ANKRD52: variants seen among roughly 807,000 people sequenced by gnomAD.
ANKRD52 encodes serine/threonine-protein phosphatase 6 regulatory ankyrin repeat subunit C.
A neutral mutation model predicts 116.0 loss-of-function variants in ANKRD52; 7 were observed. The observed-to-expected ratio is 0.06, with a 90% CI of 0.03 to 0.11. The LOEUF is 0.11. Among genes scored for constraint, ANKRD52 ranks in the 10% least tolerant of loss-of-function variants. The probability of loss-of-function intolerance (pLI) is 1.00; values close to 1 mark genes in which losing one functional copy is unlikely to be tolerated. For synonymous variants in ANKRD52, 528 were observed against 578.1 expected, an observed-to-expected ratio of 0.91 and a Z score of 1.24; for missense variants, 839 against 1,408.6, an observed-to-expected ratio of 0.60 and a Z score of 6.47.
intron 2 of ANKRD52, among the ~76,000 whole-genome samples, chr12:56,257,577 G>A (rs969097099): frequency 6.6e-6 from 1 of 152,150 alleles, no homozygotes; most frequent in Non-Finnish European, 1.5e-5. Context: ...TTCCAGGAGG[G>A]GTGGGGGCGC....
intron 18 of ANKRD52, 28 bp from the exon 19 acceptor site, chr12:56,247,802 C>T: frequency 1.9e-6 from 3 of 1,601,660 alleles, no homozygotes; most frequent in Non-Finnish European, 1.7e-6. Context: ...CGTGTCAGGG[C>T]AGGGCCAGGA....
rs1011864790 is a variant in ANKRD52, at chr12:56,248,695, G to A, written c.1704+64C>T. ...CACATTTGATTGAACCCTTAGTTTTGGAATCCACAAACCCTGTGCCCTGCC... is the reference window on the plus strand; with the variant it reads ...CACATTTGATTGAACCCTTAGTTTTAGAATCCACAAACCCTGTGCCCTGCC... On this transcript the variant is annotated intron_variant, in intron 16 of 27. Transcript: ENST00000267116. This position sits in a 1 kb window ranked among gnomAD's most constrained non-coding sequence, Gnocchi z 5.1. 6.6e-7 allele frequency: 1 copy of A among 1,508,182 alleles called. No homozygotes were observed. Among genetic ancestry groups the A allele is most frequent in the South Asian group, 1.2e-5 (1 of 84,034 alleles). 93.4% of individuals were successfully genotyped at this position (1,508,182 alleles called of 1,614,324 possible). A position where few individuals can be genotyped will look rare whatever the true frequency, so the allele number is the denominator to read the frequency against.
chr12:56,253,701 CAA>C lies in ANKRD52; in HGVS notation c.985+19_985+20del, dbSNP rs774645039. The C allele has an allele frequency of 2.5e-6, 4 of 1,611,408 alleles. No homozygotes were observed. Among genetic ancestry groups the C allele is most frequent in the South Asian group, 2.2e-5 (2 of 90,884 alleles). On this transcript the variant is annotated intron_variant, in intron 9 of 27. Coordinates refer to ENST00000267116, the MANE Select transcript of ANKRD52 (RefSeq NM_173595.4). The surrounding 1 kb of genome is among the most constrained non-coding windows in gnomAD (Gnocchi z 5.5). The stretch of plus-strand genomic sequence containing the variant: ...CTTGGGGGAGGAGGGGATGAGAGCA[CAA>C]AGTCTCCCAGGTCCATACCATTCTG...
Position 56,252,978 on chromosome 12 carries a change from C to G in ANKRD52, c.1183+26G>C. On this transcript the variant is annotated intron_variant, in intron 11 of 27. Transcript: ENST00000267116. The surrounding 1 kb of genome is among the most constrained non-coding windows in gnomAD (Gnocchi z 4.7). ...AGGCCTTTGCTCTCCTATACACCTG[C>G]CAATCCCCAGCCCATCAGCACATAC... The G allele has an allele frequency of 6.3e-7, 1 of 1,584,072 alleles. No homozygotes were observed. The highest frequency in any genetic ancestry group is 1.1e-5 in the South Asian group (1 of 87,076).
At chr12:56,249,018 C>T (rs1871558977) in intron 15 of ANKRD52, 148 bp from the exon 16 acceptor site, 1 of 574,246 alleles carries the variant, frequency 1.7e-6, no homozygotes. Flanking sequence ...CTAAATCCTA[C>T]CCATTCTTCA....
Position 56,242,852 on chromosome 12 carries a change from T to G in ANKRD52, c.*290A>C. The G allele has an allele frequency of 2.7e-6, 1 of 377,186 alleles. No homozygotes were observed. Among genetic ancestry groups the G allele is most frequent in the East Asian group, 4.3e-5 (1 of 23,402 alleles). The allele number at this position is 377,186 out of a possible 1,614,324, so 23.4% of individuals were successfully genotyped here. A position where few individuals can be genotyped will look rare whatever the true frequency, so the allele number is the denominator to read the frequency against. ...GCAGCAGAAAGAGGGAACCAAGAGATGGAGTCAAAGAGTGGGGGAGCCAGG... is the reference window on the plus strand; with the variant it reads ...GCAGCAGAAAGAGGGAACCAAGAGAGGGAGTCAAAGAGTGGGGGAGCCAGG... On this transcript the variant is annotated 3_prime_UTR_variant, in exon 28 of 28. Transcript: ENST00000267116. The surrounding 1 kb of genome is among the most constrained non-coding windows in gnomAD (Gnocchi z 4.3).
At position 56,243,778 on chromosome 12, in the gene ANKRD52, C is replaced by T. The variant is rs907322229; in HGVS notation, c.2980+7G>A. The T allele has an allele frequency of 2.6e-6, 4 of 1,553,726 alleles. No individual in the cohort carries two copies. The highest frequency in any genetic ancestry group is 2.0e-5 in the Admixed American group (1 of 51,224). On this transcript the variant is annotated splice_region_variant and intron_variant, in intron 27 of 27. Coordinates refer to ENST00000267116, the MANE Select transcript of ANKRD52 (RefSeq NM_173595.4). The surrounding 1 kb of genome is among the most constrained non-coding windows in gnomAD (Gnocchi z 4.6). ...AAGAGAGGCATGGGGCCCCAGACCC[C>T]ACCCACCTTCTTCATCCACAGCCAG... is the stretch of plus-strand genomic sequence containing the variant.
chr12:56,257,137 G>T (rs1045912941), intron 3 of ANKRD52, 52 bp from the exon 4 acceptor site: 73 of 1,588,882 alleles, frequency 4.6e-5, no homozygotes, highest in Non-Finnish European at 6.0e-5. Context: ...GAGGTATGAA[G>T]GAAGCCAGTA....
Position 56,252,499 on chromosome 12 carries a change from T to C in ANKRD52, c.1370+3A>G, listed in dbSNP as rs1871752158. The C allele has an allele frequency of 1.2e-6, 2 of 1,613,286 alleles. No individual in the cohort carries two copies. Among genetic ancestry groups the C allele is most frequent in the Non-Finnish European group, 1.7e-6 (2 of 1,179,232 alleles). Reference sequence around the variant, plus strand: ...CTATGTTTACCCCTGCATATTAGCATACCTGCCAAATTTGTCCCTCCTCCT... The same window carrying C: ...CTATGTTTACCCCTGCATATTAGCACACCTGCCAAATTTGTCCCTCCTCCT... On this transcript the variant is annotated splice_donor_region_variant and intron_variant, in intron 13 of 27. Coordinates refer to ENST00000267116, the MANE Select transcript of ANKRD52 (RefSeq NM_173595.4). The surrounding 1 kb of genome is among the most constrained non-coding windows in gnomAD (Gnocchi z 4.7).
chr12:56,240,562 TCTC>T lies in ANKRD52; in HGVS notation c.*2577_*2579del, dbSNP rs1871122433. 1 of 152,008 alleles carries T rather than the reference TCTC, an allele frequency of 6.6e-6. No individual in the cohort carries two copies. Among genetic ancestry groups the T allele is most frequent in the Non-Finnish European group, 1.5e-5 (1 of 68,000 alleles). The allele number at this position is 152,008 out of a possible 1,614,324, so 9.4% of individuals were successfully genotyped here. A position where few individuals can be genotyped will look rare whatever the true frequency, so the allele number is the denominator to read the frequency against. On this transcript the variant is annotated 3_prime_UTR_variant, in exon 28 of 28. Transcript: ENST00000267116. This position sits in a 1 kb window ranked among gnomAD's most constrained non-coding sequence, Gnocchi z 4.2. ...TGGGGGGCATTCTGCCTGTTTTACTTCTCCACACCCGTTTAAGTCAAAGAGGTT... is the reference window on the plus strand; with the variant it reads ...TGGGGGGCATTCTGCCTGTTTTACTTCACACCCGTTTAAGTCAAAGAGGTT...
At position 56,247,582 on chromosome 12, in the gene ANKRD52, C is replaced by T. The variant is rs1348835421; in HGVS notation, c.2095G>A (p.Gly699Ser). The T allele has an allele frequency of 6.3e-7, 1 of 1,594,394 alleles. No homozygotes were observed. Among genetic ancestry groups the T allele is most frequent in the Non-Finnish European group, 8.5e-7 (1 of 1,169,828 alleles). Residue 699 changes from glycine to serine, a missense_variant, in exon 20 of 28, where the codon GGC becomes AGC. By Grantham distance (56) the Gly-to-Ser change is moderately conservative (BLOSUM62 0). Transcript: ENST00000267116. Reference protein sequence around the residue: ...QTPLMLAIMNGHVDCVHLLLE... With the variant: ...QTPLMLAIMNSHVDCVHLLLE... ...AGCAGATGTACACAGTCCACATGGC[C>T]ATTCATGATGGCCAGCATCAGTGGG...
intron 20 of ANKRD52, among the ~76,000 whole-genome samples, chr12:56,246,840 A>T (rs1871423061): frequency 1.3e-5 from 2 of 151,344 alleles, no homozygotes; most frequent in South Asian, 4.2e-4. Flanking sequence ...GAATTGCTTG[A>T]ACCCAGGAGG....
In ANKRD52 at chr12:56,248,555, C is replaced by T; in HGVS notation, c.1716G>A (p.Met572Ile). The change falls in exon 17 of 28, where the codon ATG (methionine) becomes ATA (isoleucine). Residue 572 changes from methionine (M) to isoleucine (I), a missense_variant. Physicochemically the swap from Met to Ile is conservative, Grantham distance 10. Coordinates refer to ENST00000267116, the MANE Select transcript of ANKRD52 (RefSeq NM_173595.4). This position sits in a 1 kb window ranked among gnomAD's most constrained non-coding sequence, Gnocchi z 5.1. ...CCACATCCTCCAGGCAGTTAAAGGA[C>T]ATTTCTAAGAGCTGCAAAGGACAGG... ...NRQNLELLLE[M>I]SFNCLEDVES... 6.3e-7 allele frequency: 1 copy of T among 1,592,664 alleles called. No homozygotes were observed. The highest frequency in any genetic ancestry group is 1.1e-5 in the South Asian group (1 of 87,200).
chr12:56,243,703 T>C lies in ANKRD52; in HGVS notation c.2980+82A>G. Reference sequence around the variant, plus strand: ...TCCCTTGGGAAGAAAATCCCATGTATAGCAAGATTAAGAAGTCACCTCCTG... The same window carrying C: ...TCCCTTGGGAAGAAAATCCCATGTACAGCAAGATTAAGAAGTCACCTCCTG... On this transcript the variant is annotated intron_variant, in intron 27 of 27. Coordinates refer to ENST00000267116, the MANE Select transcript of ANKRD52 (RefSeq NM_173595.4). The surrounding 1 kb of genome is among the most constrained non-coding windows in gnomAD (Gnocchi z 4.6). 7.2e-7 allele frequency: 1 copy of C among 1,383,522 alleles called. No individual in the cohort carries two copies. The highest frequency in any genetic ancestry group is 1.0e-6 in the Non-Finnish European group (1 of 1,000,830). 85.7% of individuals were successfully genotyped at this position (1,383,522 alleles called of 1,614,324 possible).
In ANKRD52 at chr12:56,254,780, C is replaced by T; in HGVS notation, c.551-60G>A. 6.3e-7 allele frequency: 1 copy of T among 1,599,116 alleles called. No homozygotes were observed. Among genetic ancestry groups the T allele is most frequent in the Non-Finnish European group, 8.6e-7 (1 of 1,167,440 alleles). On this transcript the variant is annotated intron_variant, in intron 6 of 27. Transcript: ENST00000267116. The surrounding 1 kb of genome is among the most constrained non-coding windows in gnomAD (Gnocchi z 4.6). The stretch of plus-strand genomic sequence containing the variant: ...AGGTAAACTCTAAGACCCTACACTC[C>T]TCTCTTCAAAGGCTGCAACCCCACA...
Position 56,254,752 on chromosome 12 carries a change from A to C in ANKRD52, c.551-32T>G. The C allele has an allele frequency of 6.2e-7, 1 of 1,601,034 alleles. No individual in the cohort carries two copies. On this transcript the variant is annotated intron_variant, in intron 6 of 27. Transcript: ENST00000267116. The surrounding 1 kb of genome is among the most constrained non-coding windows in gnomAD (Gnocchi z 4.6). ...AAAGAGAAGACACTCTAAAGGAAGT[A>C]GAAGGTAAACTCTAAGACCCTACAC...
At position 56,257,270 on chromosome 12, in the gene ANKRD52, TC is replaced by T; in HGVS notation, c.190+12del. The T allele has an allele frequency of 6.3e-7, 1 of 1,585,202 alleles. No individual in the cohort carries two copies. Among genetic ancestry groups the T allele is most frequent in the Admixed American group, 1.8e-5 (1 of 55,330 alleles). ...CTCCCTATGTGCCACACCTTCCAGC[TC>T]CCCACTTTCACCTGACATCAGTAGC... On this transcript the variant is annotated intron_variant, in intron 3 of 27. Transcript: ENST00000267116.
At chr12:56,246,927 A>G (rs1197323365) in intron 20 of ANKRD52, among the ~76,000 whole-genome samples, 2 of 100,400 alleles carry the variant, frequency 2.0e-5, no homozygotes, top group Non-Finnish European at 2.1e-5. Context: ...CTCAATAATA[A>G]TAATAATAAT....
rs897421976 is a variant in ANKRD52 at position 56,255,678 on chromosome 12, C to T, written c.462+106G>A. The T allele has an allele frequency of 1.4e-5, 15 of 1,055,220 alleles. No individual in the cohort carries two copies. Among genetic ancestry groups the T allele is most frequent in the East Asian group, 2.6e-5 (1 of 37,966 alleles). 65.4% of individuals were successfully genotyped at this position (1,055,220 alleles called of 1,614,324 possible). On this transcript the variant is annotated intron_variant, in intron 5 of 27. Transcript: ENST00000267116. The surrounding 1 kb of genome is among the most constrained non-coding windows in gnomAD (Gnocchi z 4.3). ...CAGCTTAAGTGTTTATATAACCATCCGGGCTGCTTCTCCTTCAGGCTTGAG... is the reference window on the plus strand; with the variant it reads ...CAGCTTAAGTGTTTATATAACCATCTGGGCTGCTTCTCCTTCAGGCTTGAG...
Sources: gnomAD v4.1 joint callset for allele counts (sites outside exome capture counted in the v4.1 genomes callset) on GRCh38, gnomAD v4.1.1 for gene constraint, Gnocchi (gnomAD v3.1) non-coding constraint, MANE v1.5 for transcripts, NCBI Gene and HGNC (gene_info 2026-07-23, HGNC 2026-07-21) for gene names.